Variants in MYOCD observed in about 807,000 individuals in gnomAD.
MYOCD encodes myocardin.
MYOCD carries 32 observed loss-of-function variants against 96.1 expected under a neutral mutation model. The ratio of observed to expected loss-of-function variants is 0.33; its 90% CI spans 0.25 to 0.45. MYOCD has a LOEUF of 0.45. Among genes scored for constraint, MYOCD ranks in the 20% least tolerant of loss-of-function variants. The pLI, the probability that MYOCD is intolerant of heterozygous loss-of-function variation, is 1.00. For missense variants in MYOCD, 1,133 were observed against 1,200.6 expected (o/e 0.94, Z 0.83); for synonymous variants, 469 against 469.0 (o/e 1.00, Z 0.00).
chr17:12,669,899 C>A (rs1909597939), intron 1 of MYOCD, among the ~76,000 whole-genome samples: 1 of 152,168 alleles, frequency 6.6e-6, no homozygotes, highest in Non-Finnish European at 1.5e-5. Flanking sequence ...CATCCAATAT[C>A]CTATCAAGCT....
intron 8 of MYOCD, 149 bp from the exon 9 acceptor site, chr17:12,745,770 G>A (rs1243668752): frequency 3.6e-5 from 27 of 755,432 alleles, no homozygotes; most frequent in Non-Finnish European, 4.6e-5. Context: ...CCGTCTAGCC[G>A]GCAGTGTTGT....
intron 1 of MYOCD, among the ~76,000 whole-genome samples, chr17:12,700,237 T>G (rs1038920089): frequency 3.9e-5 from 6 of 151,918 alleles, no homozygotes; most frequent in Non-Finnish European, 8.8e-5. Flanking sequence ...TCCTCCTTCA[T>G]GTCCCCAAAC....
intron 1 of MYOCD, among the ~76,000 whole-genome samples, chr17:12,670,208 G>C (rs1909619140): frequency 6.6e-6 from 1 of 152,158 alleles, no homozygotes; most frequent in Non-Finnish European, 1.5e-5. Flanking sequence ...TCAAGAGGCT[G>C]TGGCTGAATT....
intron 5 of MYOCD, among the ~76,000 whole-genome samples, chr17:12,727,395 C>T (rs1000105005): frequency 3.3e-4 from 50 of 152,200 alleles, no homozygotes; most frequent in African/African-American, 8.2e-4. Flanking sequence ...CTACAGAGAG[C>T]GCATTTAGAG....
intron 9 of MYOCD, among the ~76,000 whole-genome samples, chr17:12,749,399 C>T (rs997128283): frequency 6.6e-6 from 1 of 151,770 alleles, no homozygotes; most frequent in African/African-American, 2.4e-5. Context: ...TGTGGTGGTG[C>T]ACACCTGTAA....
At chr17:12,733,911 C>A (rs971874901) in intron 5 of MYOCD, among the ~76,000 whole-genome samples, 1 of 151,802 alleles carries the variant, frequency 6.6e-6, no homozygotes, top group African/African-American at 2.4e-5. Context: ...AAAATGTGCC[C>A]CCTTCCTGAA....
chr17:12,685,044 C>T (rs1332140837), intron 1 of MYOCD, among the ~76,000 whole-genome samples: 2 of 152,048 alleles, frequency 1.3e-5, no homozygotes, highest in African/African-American at 2.4e-5. Flanking sequence ...GCCTGTAATC[C>T]CAGCACTTTG....
chr17:12,735,698 G>T lies in MYOCD; in HGVS notation c.416-463G>T, dbSNP rs530584239. On this transcript the variant is annotated intron_variant, in intron 5 of 13. Transcript: ENST00000425538. ...ATTAACAAAGTTTGCTAAACATTGC[G>T]TGCTGTGCGCCCTGCTTTATGTTTG... 2.6e-5 allele frequency among the ~76,000 whole-genome samples: 4 copies of T among 152,266 alleles called. No individual in the cohort carries two copies. The South Asian group carries it at 8.3e-4, about 32-fold the overall frequency.
intron 4 of MYOCD, among the ~76,000 whole-genome samples, chr17:12,718,466 A>C (rs1597777286): frequency 6.6e-6 from 1 of 152,230 alleles, no homozygotes; most frequent in Admixed American, 6.5e-5. Context: ...TTTCCTTCCA[A>C]GACTGAACAC....
intron 7 of MYOCD, among the ~76,000 whole-genome samples, chr17:12,740,336 C>T (rs1272808227): frequency 6.6e-6 from 1 of 152,170 alleles, no homozygotes; most frequent in Non-Finnish European, 1.5e-5. Context: ...CCCAATCTTC[C>T]CCCAATCCCC....
chr17:12,682,064 G>A (rs923444590), intron 1 of MYOCD, among the ~76,000 whole-genome samples: 29 of 152,222 alleles, frequency 1.9e-4, no homozygotes, highest in African/African-American at 5.8e-4. Context: ...CCAGGATTAG[G>A]GCAAGACCGA....
chr17:12,760,424 A>G (rs951755907), intron 12 of MYOCD: 10 of 496,994 alleles, frequency 2.0e-5, no homozygotes, highest in Non-Finnish European at 3.3e-5. Flanking sequence ...CTGAAGACAG[A>G]TGGTGGTGAT....
chr17:12,693,041 G>A (rs1415478718), intron 1 of MYOCD, among the ~76,000 whole-genome samples: 2 of 152,064 alleles, frequency 1.3e-5, no homozygotes, highest in Admixed American at 6.6e-5. Context: ...TACAAGCGTG[G>A]AATCTAGTCC....
chr17:12,688,717 T>G lies in MYOCD; in HGVS notation c.56-16411T>G, dbSNP rs553383753. Among the ~76,000 whole-genome samples the G allele has an allele frequency of 2.6e-5, 4 of 151,602 alleles. No homozygotes were observed. In the East Asian group the frequency reaches 7.8e-4, roughly 30 times the overall value. On this transcript the variant is annotated intron_variant, in intron 1 of 13. Transcript: ENST00000425538. ...TTCCTCCCTTCCTTCCTTTTTTTCT[T>G]CCATCTCCTTCCTCTCTCTCCTTCC...
chr17:12,704,235 G>A (rs943153285), intron 1 of MYOCD, among the ~76,000 whole-genome samples: 2 of 152,082 alleles, frequency 1.3e-5, no homozygotes, highest in African/African-American at 4.8e-5. Context: ...TCTCTTGTCA[G>A]TGTATACAGA....
intron 1 of MYOCD, among the ~76,000 whole-genome samples, chr17:12,691,976 G>C (rs906756884): frequency 6.6e-6 from 1 of 152,150 alleles, no homozygotes; most frequent in Non-Finnish European, 1.5e-5. Context: ...TTAATAATCA[G>C]CCCCTTTCAA....
chr17:12,713,293 A>T (rs1238719654), intron 2 of MYOCD, among the ~76,000 whole-genome samples: 4 of 152,350 alleles, frequency 2.6e-5, no homozygotes, highest in Middle Eastern at 6.8e-3. Flanking sequence ...TTGTAGTTCT[A>T]CGAAGCTGAG....
intron 5 of MYOCD, among the ~76,000 whole-genome samples, chr17:12,724,768 AT>A (rs2031947219): frequency 6.6e-6 from 1 of 152,034 alleles, no homozygotes; most frequent in Admixed American, 6.6e-5. Flanking sequence ...GTTTATCACA[AT>A]TTTATGATCT....
intron 6 of MYOCD, among the ~76,000 whole-genome samples, chr17:12,738,546 C>T (rs769392091): frequency 1.3e-5 from 2 of 152,000 alleles, no homozygotes; most frequent in East Asian, 1.9e-4. Flanking sequence ...CACACACACA[C>T]GTATACACCT....
Sources: allele counts gnomAD v4.1 joint callset (sites outside exome capture counted in the v4.1 genomes callset), GRCh38; gene constraint gnomAD v4.1.1; transcripts MANE v1.5; gene names NCBI Gene and HGNC (gene_info 2026-07-23, HGNC 2026-07-21).